MAPKAPK3: variants seen among roughly 807,000 people sequenced by gnomAD.
The protein encoded by MAPKAPK3 is MAPK activated protein kinase 3, also known as MAP kinase-activated protein kinase 3.
A neutral mutation model predicts 49.2 loss-of-function variants in MAPKAPK3; 35 were observed. That is an observed-to-expected ratio of 0.71 (90% CI 0.54 to 0.94). MAPKAPK3 has a LOEUF of 0.94. Among genes scored for constraint, MAPKAPK3 ranks in the 40% least tolerant of loss-of-function variants. The probability of loss-of-function intolerance (pLI) is 0.00; values close to 1 mark genes in which losing one functional copy is unlikely to be tolerated. For synonymous variants in MAPKAPK3, 178 were observed against 188.7 expected (o/e 0.94, Z 0.46); for missense variants, 398 against 493.1 (o/e 0.81, Z 1.83).
intron 2 of MAPKAPK3, among the ~76,000 whole-genome samples, chr3:50,618,863 G>A (rs749914374): frequency 4.5e-4 from 68 of 152,160 alleles, no homozygotes; most frequent in Non-Finnish European, 8.7e-4. Flanking sequence ...CTAATTTTTT[G>A]TATTTTTAGT....
At chr3:50,630,691 G>T (rs2032882180) in intron 2 of MAPKAPK3, among the ~76,000 whole-genome samples, 1 of 152,216 alleles carries the variant, frequency 6.6e-6, no homozygotes, top group Admixed American at 6.5e-5. Context: ...CCCCAGGCTG[G>T]TGTTGTGGGG....
At chr3:50,641,287 C>T (rs149855955) in intron 3 of MAPKAPK3, among the ~76,000 whole-genome samples, 20 of 152,288 alleles carry the variant, frequency 1.3e-4, no homozygotes, top group African/African-American at 3.6e-4. Flanking sequence ...GATCACACAA[C>T]AGCGCTCATG....
At chr3:50,635,154 A>G (rs1362823348) in intron 2 of MAPKAPK3, among the ~76,000 whole-genome samples, 2 of 152,180 alleles carry the variant, frequency 1.3e-5, no homozygotes, top group African/African-American at 4.8e-5. Flanking sequence ...GCCTGGGAAG[A>G]TGGAGCTCTT....
intron 2 of MAPKAPK3, among the ~76,000 whole-genome samples, chr3:50,622,150 T>C (rs1299726823): frequency 1.3e-5 from 2 of 152,194 alleles, no homozygotes; most frequent in Non-Finnish European, 2.9e-5. Flanking sequence ...GGGATCTCAG[T>C]GATGCCTCAA....
chr3:50,628,850 G>T (rs752273763), intron 2 of MAPKAPK3, among the ~76,000 whole-genome samples: 5 of 152,232 alleles, frequency 3.3e-5, no homozygotes, highest in African/African-American at 4.8e-5. Context: ...GCAAGCTGGG[G>T]CTTGGGAAGG....
At chr3:50,631,414 T>C (rs769951096) in intron 2 of MAPKAPK3, among the ~76,000 whole-genome samples, 4 of 152,212 alleles carry the variant, frequency 2.6e-5, no homozygotes, top group Non-Finnish European at 5.9e-5. Context: ...TTCTGAACTC[T>C]GAATTCAGGG....
chr3:50,614,469 A>G (rs550330609), upstream of MAPKAPK3, among the ~76,000 whole-genome samples: 24 of 149,234 alleles, frequency 1.6e-4, no homozygotes, highest in East Asian at 4.2e-3. Flanking sequence ...TCCTCTCACC[A>G]TGTACAGCCT....
upstream of MAPKAPK3, chr3:50,612,256 G>A (rs947441824): frequency 6.6e-6 from 1 of 152,240 alleles, no homozygotes; most frequent in African/African-American, 2.4e-5. Context: ...ATCTCGCGGT[G>A]GAACTCGTGG....
chr3:50,617,103 A>AGTGGGGGGGGG (rs1553624968), upstream of MAPKAPK3: 1 of 6,696 alleles, frequency 1.5e-4, no homozygotes, highest in African/African-American at 4.3e-4. Context: ...GGAGTGGGGG[A>AGTGGGGGGGGG]GGGGGGGGTG....
chr3:50,647,564 G>T (rs947068836), intron 10 of MAPKAPK3, among the ~76,000 whole-genome samples: 7 of 152,292 alleles, frequency 4.6e-5, no homozygotes, highest in African/African-American at 1.4e-4. Context: ...CCAGGCCCCA[G>T]TGCGCTGGTT....
chr3:50,637,277 A>G (rs1174916592), intron 2 of MAPKAPK3, among the ~76,000 whole-genome samples: 1 of 152,158 alleles, frequency 6.6e-6, no homozygotes, highest in African/African-American at 2.4e-5. Context: ...GGGACCCCCA[A>G]GTGAACTTGA....
rs544356707 is a variant in MAPKAPK3, at chr3:50,648,877, C to G, written c.*831C>G. 3 of 152,284 alleles carry G rather than the reference C, an allele frequency of 2.0e-5. No individual in the cohort carries two copies. Among genetic ancestry groups the G allele is most frequent in the Non-Finnish European group, 2.9e-5 (2 of 68,062 alleles). 9.4% of individuals were successfully genotyped at this position (152,284 alleles called of 1,614,324 possible). On this transcript the variant is annotated 3_prime_UTR_variant, in exon 11 of 11. Transcript: ENST00000621469. Reference sequence around the variant, plus strand: ...ACCCATCTGCTCACCAGATCTCAGGCAGGAAAGCCCCTCTCTGTTGAAGTC... The same window carrying G: ...ACCCATCTGCTCACCAGATCTCAGGGAGGAAAGCCCCTCTCTGTTGAAGTC...
Position 50,646,720 on chromosome 3 carries a change from C to G in MAPKAPK3, c.830-20C>G. ...GGCTCTGCAATCTCATCTCTCCCCT[C>G]TCTTCCCTGGCCCCCCTAGCCAAGC... On this transcript the variant is annotated intron_variant, in intron 8 of 10. Coordinates refer to ENST00000621469, the MANE Select transcript of MAPKAPK3 (RefSeq NM_001243925.2). 3 of 1,611,222 alleles carry G rather than the reference C, an allele frequency of 1.9e-6. No individual in the cohort carries two copies. Among genetic ancestry groups the G allele is most frequent in the South Asian group, 2.2e-5 (2 of 91,014 alleles).
At chr3:50,626,962 G>A (rs760861748) in intron 2 of MAPKAPK3, among the ~76,000 whole-genome samples, 22 of 152,138 alleles carry the variant, frequency 1.4e-4, no homozygotes, top group Non-Finnish European at 2.8e-4. Context: ...GGAGGCTGAC[G>A]CGGGTGGATC....
At chr3:50,620,129 T>G (rs1306823499) in intron 2 of MAPKAPK3, among the ~76,000 whole-genome samples, 2 of 152,200 alleles carry the variant, frequency 1.3e-5, no homozygotes, top group African/African-American at 4.8e-5. Flanking sequence ...CAACCTCTGG[T>G]ACAGTTATTT....
intron 2 of MAPKAPK3, among the ~76,000 whole-genome samples, chr3:50,636,282 G>A (rs1452001001): frequency 1.3e-5 from 2 of 152,200 alleles, no homozygotes; most frequent in African/African-American, 2.4e-5. Flanking sequence ...GTGATTTGGG[G>A]CCAGTTACTT....
intron 2 of MAPKAPK3, among the ~76,000 whole-genome samples, chr3:50,637,453 G>A (rs2033067378): frequency 6.6e-6 from 1 of 151,776 alleles, no homozygotes; most frequent in African/African-American, 2.4e-5. Context: ...TGGCTAACAC[G>A]GTGAAACCCC....
chr3:50,631,270 G>A (rs1347797034), intron 2 of MAPKAPK3, among the ~76,000 whole-genome samples: 1 of 152,232 alleles, frequency 6.6e-6, no homozygotes, highest in African/African-American at 2.4e-5. Context: ...TAAAAAGTTA[G>A]ATATTACACT....
intron 6 of MAPKAPK3, among the ~76,000 whole-genome samples, chr3:50,645,074 C>A (rs189615263): frequency 6.6e-6 from 1 of 152,260 alleles, no homozygotes; most frequent in Admixed American, 6.5e-5. Flanking sequence ...AAACTGCCCC[C>A]TAACCTGAGA....
Sources: allele counts gnomAD v4.1 joint callset (sites outside exome capture counted in the v4.1 genomes callset), GRCh38; gene constraint gnomAD v4.1.1; transcripts MANE v1.5; gene names NCBI Gene and HGNC (gene_info 2026-07-23, HGNC 2026-07-21).